The following TAFA4 variants were observed in gnomAD, a reference collection of about 807,000 sequenced individuals.
TAFA4 encodes chemokine-like protein TAFA-4.
TAFA4 carries 20 observed loss-of-function variants against 21.1 expected under a neutral mutation model. The ratio of observed to expected loss-of-function variants is 0.95; its 90% confidence interval spans 0.67 to 1.38. TAFA4 has a LOEUF of 1.38. Among genes scored for constraint, TAFA4 ranks in the 40% most tolerant of loss-of-function variants. TAFA4 has a pLI of 0.00. For missense variants in TAFA4, 211 were observed against 180.9 expected, an observed-to-expected ratio of 1.17 and a Z score of -0.95; for synonymous variants, 71 against 67.4, an observed-to-expected ratio of 1.05 and a Z score of -0.26.
chr3:68,755,694 A>T (rs949389379), intron 3 of TAFA4, among the ~76,000 whole-genome samples: 1 of 152,164 alleles, frequency 6.6e-6, no homozygotes, highest in Non-Finnish European at 1.5e-5. Flanking sequence ...CTCAGGGGAA[A>T]CCCTGGCATG....
intron 3 of TAFA4, among the ~76,000 whole-genome samples, chr3:68,798,576 G>T (rs951703471): frequency 6.6e-6 from 1 of 152,052 alleles, no homozygotes; most frequent in Non-Finnish European, 1.5e-5. Context: ...TTGCTCATTT[G>T]GGGTATGCAC....
chr3:68,884,438 T>C (rs1197287356), intron 2 of TAFA4, among the ~76,000 whole-genome samples: 1 of 152,200 alleles, frequency 6.6e-6, no homozygotes, highest in Admixed American at 6.5e-5. Flanking sequence ...TCCACTCTAG[T>C]TTCCTTCTTC....
intron 1 of TAFA4, among the ~76,000 whole-genome samples, chr3:68,921,570 C>A (rs1242391812): frequency 6.6e-6 from 1 of 152,134 alleles, no homozygotes; most frequent in South Asian, 2.1e-4. Flanking sequence ...ACTTTCCATA[C>A]CCCCTCAAGT....
chr3:68,810,918 C>T (rs1027366680), intron 3 of TAFA4, among the ~76,000 whole-genome samples: 1 of 152,172 alleles, frequency 6.6e-6, no homozygotes, highest in African/African-American at 2.4e-5. Context: ...TGGGAGGCAA[C>T]CCCCAGTAGG....
At chr3:68,868,224 G>C (rs1380082357) in intron 3 of TAFA4, among the ~76,000 whole-genome samples, 1 of 152,024 alleles carries the variant, frequency 6.6e-6, no homozygotes, top group African/African-American at 2.4e-5. Context: ...TAGGCTTCAA[G>C]TCAAAGGTTG....
intron 3 of TAFA4, among the ~76,000 whole-genome samples, chr3:68,816,451 C>T: frequency 6.6e-6 from 1 of 151,906 alleles, no homozygotes; most frequent in South Asian, 2.1e-4. Flanking sequence ...TAAATTTATC[C>T]TTATATATTT....
intron 3 of TAFA4, among the ~76,000 whole-genome samples, chr3:68,853,711 G>C (rs1315439513): frequency 6.6e-6 from 1 of 152,168 alleles, no homozygotes; most frequent in Non-Finnish European, 1.5e-5. Context: ...TAGAGGCAAA[G>C]AAAGGCACAA....
chr3:68,843,724 G>A (rs1353013560), intron 3 of TAFA4, among the ~76,000 whole-genome samples: 5 of 152,224 alleles, frequency 3.3e-5, no homozygotes, highest in East Asian at 1.9e-4. Context: ...TTTTTAGCAC[G>A]AAGTGCTGTT....
intron 3 of TAFA4, among the ~76,000 whole-genome samples, chr3:68,791,071 T>C (rs1437838864): frequency 6.6e-6 from 1 of 152,172 alleles, no homozygotes; most frequent in African/African-American, 2.4e-5. Context: ...TCAAGCCACC[T>C]GGTCCACAAA....
intron 3 of TAFA4, among the ~76,000 whole-genome samples, chr3:68,852,166 A>G (rs1704966386): frequency 6.6e-6 from 1 of 152,218 alleles, no homozygotes; most frequent in Admixed American, 6.5e-5. Context: ...GACGGAGGCC[A>G]ATACAGAAAG....
chr3:68,928,616 T>C (rs1398125412), intron 1 of TAFA4, among the ~76,000 whole-genome samples: 1 of 152,220 alleles, frequency 6.6e-6, no homozygotes, highest in Non-Finnish European at 1.5e-5. Context: ...CTGTCGCAGC[T>C]ACTAGGAAGT....
chr3:68,787,051 A>G (rs1314460769), intron 3 of TAFA4, among the ~76,000 whole-genome samples: 1 of 152,222 alleles, frequency 6.6e-6, no homozygotes, highest in Non-Finnish European at 1.5e-5. Context: ...TAACATTTTT[A>G]GGTCCTTAAA....
At chr3:68,789,591 C>G (rs1703326437) in intron 3 of TAFA4, among the ~76,000 whole-genome samples, 1 of 152,130 alleles carries the variant, frequency 6.6e-6, no homozygotes, top group Non-Finnish European at 1.5e-5. Context: ...GAGCACATCT[C>G]TGACCCCAGC....
chr3:68,861,028 G>C (rs1223913727), intron 3 of TAFA4, among the ~76,000 whole-genome samples: 1 of 95,906 alleles, frequency 1.0e-5, no homozygotes, highest in Non-Finnish European at 2.2e-5. Flanking sequence ...TGTTAAATAT[G>C]CACCCCCCCC....
intron 3 of TAFA4, among the ~76,000 whole-genome samples, chr3:68,840,151 A>T (rs1299307853): frequency 3.9e-5 from 6 of 152,164 alleles, no homozygotes; most frequent in Non-Finnish European, 8.8e-5. Flanking sequence ...TATGTCAGTG[A>T]GCATTCCCTG....
intron 3 of TAFA4, among the ~76,000 whole-genome samples, chr3:68,790,276 AAAG>A: frequency 6.6e-6 from 1 of 152,244 alleles, no homozygotes; most frequent in East Asian, 1.9e-4. Flanking sequence ...AATCACTAAA[AAAG>A]AAAAAAAAAG....
intron 3 of TAFA4, among the ~76,000 whole-genome samples, chr3:68,873,923 A>G (rs573971443): frequency 6.6e-6 from 1 of 152,298 alleles, no homozygotes; most frequent in Non-Finnish European, 1.5e-5. Context: ...TTTCCCAGGT[A>G]GCTGTGCAAT....
At chr3:68,761,341 A>G in intron 3 of TAFA4, among the ~76,000 whole-genome samples, 1 of 134,692 alleles carries the variant, frequency 7.4e-6, no homozygotes, top group South Asian at 2.4e-4. Context: ...AAAATGAGCA[A>G]AAAAAAAAAT....
At chr3:68,886,540 T>C (rs943637494) in intron 1 of TAFA4, among the ~76,000 whole-genome samples, 1 of 152,302 alleles carries the variant, frequency 6.6e-6, no homozygotes, top group African/African-American at 2.4e-5. Flanking sequence ...CAAAATGACC[T>C]TTCCTGGCTA....
Sources: gnomAD v4.1 joint callset for allele counts (sites outside exome capture counted in the v4.1 genomes callset) on GRCh38, gnomAD v4.1.1 for gene constraint, MANE v1.5 for transcripts, NCBI Gene and HGNC (gene_info 2026-07-23, HGNC 2026-07-21) for gene names.